ROS1: variants seen among roughly 807,000 people sequenced by gnomAD.
ROS1 encodes proto-oncogene tyrosine-protein kinase ROS.
ROS1 carries 263 observed loss-of-function variants against 273.5 expected under a neutral mutation model. The ratio of observed to expected loss-of-function variants is 0.96; its 90% confidence interval spans 0.87 to 1.06. The LOEUF (loss-of-function observed/expected upper bound fraction) is 1.06. Ranked by LOEUF, ROS1 falls within the 50% of genes least tolerant of loss-of-function variation. The probability of loss-of-function intolerance (pLI) is 0.00; values close to 1 mark genes in which losing one functional copy is unlikely to be tolerated. For synonymous variants in ROS1, 1,008 were observed against 954.1 expected (o/e 1.06, Z -1.04); for missense variants, 2,833 against 2,751.1 (o/e 1.03, Z -0.67).
intron 38 of ROS1, among the ~76,000 whole-genome samples, chr6:117,317,691 T>A (rs1237422815): frequency 1.3e-5 from 2 of 152,036 alleles, no homozygotes; most frequent in Non-Finnish European, 2.9e-5. Context: ...ACCAAGTAAG[T>A]CCCAACCTAA....
intron 5 of ROS1, among the ~76,000 whole-genome samples, chr6:117,405,667 G>GAAA (rs910722366): frequency 1.4e-5 from 2 of 146,144 alleles, no homozygotes; most frequent in Non-Finnish European, 3.0e-5. Context: ...TGATACATAT[G>GAAA]AAAAAAAAAA....
chr6:117,394,551 C>A, intron 10 of ROS1, 65 bp downstream of exon 10: 1 of 1,383,212 alleles, frequency 7.2e-7, no homozygotes, highest in East Asian at 2.5e-5. Context: ...TTCTTTTATT[C>A]TAGAAGTACT....
At chr6:117,310,010 G>A in intron 41 of ROS1, 71 bp downstream of exon 41, 1 of 1,327,658 alleles carries the variant, frequency 7.5e-7, no homozygotes, top group Non-Finnish European at 1.1e-6. Context: ...AGCAAGATTA[G>A]ATGTCCTTTT....
chr6:117,300,086 CTTTTTTTTT>C (rs10700318), intron 43 of ROS1, among the ~76,000 whole-genome samples: 5 of 31,836 alleles, frequency 1.6e-4, no homozygotes, highest in East Asian at 1.0e-3. Context: ...CCAGGACAGG[CTTTTTTTTT>C]TTTTTTTTTT....
intron 11 of ROS1, 133 bp from the exon 12 acceptor site, chr6:117,393,454 CA>C (rs943055277): frequency 1.5e-4 from 92 of 605,932 alleles, no homozygotes; most frequent in South Asian, 2.8e-4. Flanking sequence ...GACAAATGAG[CA>C]AAAAAAAGCC....
rs1385190956 is a variant in ROS1 at position 117,365,109 on chromosome 6, G to T, written c.3054C>A (p.Tyr1018Ter). The change falls in exon 21 of 44, where the codon TAC becomes TAA. Residue 1018 changes from tyrosine (Y) to a stop codon, truncating the protein, a stop_gained. Coordinates refer to ENST00000368507, the MANE Select transcript of ROS1 (RefSeq NM_001378902.1). LOFTEE classifies it high-confidence loss of function. ...GAGATGTTTTGGGGCCCTTTCCCCA[G>T]TAGGTATAAGGAGTGACAGAAAGAT... ...LFNLSVTPYT[Y>*]WGKGPKTSLS... The T allele has an allele frequency of 2.5e-6, 4 of 1,613,668 alleles. No homozygotes were observed. In the South Asian group the frequency reaches 4.4e-5, roughly 18 times the overall value.
chr6:117,417,853 A>T (rs915965401), intron 2 of ROS1, among the ~76,000 whole-genome samples: 1 of 152,206 alleles, frequency 6.6e-6, no homozygotes, highest in African/African-American at 2.4e-5. Context: ...CTTGCAGGCA[A>T]GTGAGGTGCC....
intron 8 of ROS1, 26 bp from the exon 9 acceptor site, chr6:117,396,290 CG>C: frequency 6.6e-7 from 1 of 1,512,110 alleles, no homozygotes; most frequent in South Asian, 1.1e-5. Flanking sequence ...TTTGGAGAGA[CG>C]TGTTTCACAT....
rs755309218 is a variant in ROS1 at position 117,396,240 on chromosome 6, T to C, written c.831A>G (p.Glu277=). The C allele has an allele frequency of 1.1e-4, 184 of 1,613,444 alleles. No individual in the cohort carries two copies. The highest frequency in any genetic ancestry group is 1.5e-4 in the Non-Finnish European group (182 of 1,179,596). Residue 277 remains glutamate (E), a synonymous_variant, in exon 9 of 44, where the codon GAA becomes GAG. Transcript: ENST00000368507. ...IYRFSIAAVN[E]VGEGPEAESS... ...ATTCTGCTTCTGGACCCTCACCAAC[T>C]TCATTTACTGCTGCAATAGAAAACC...
intron 21 of ROS1, 53 bp from the exon 22 acceptor site, chr6:117,362,918 T>A: frequency 7.0e-7 from 1 of 1,430,294 alleles, no homozygotes. Context: ...ATATAAAGAA[T>A]ATAAGACTTT....
chr6:117,344,922 C>G (rs1778251030), intron 27 of ROS1, among the ~76,000 whole-genome samples: 1 of 152,184 alleles, frequency 6.6e-6, no homozygotes, highest in Non-Finnish European at 1.5e-5. Flanking sequence ...CAGGCTTAAG[C>G]CTCGAAAAAT....
intron 38 of ROS1, among the ~76,000 whole-genome samples, chr6:117,317,950 C>T (rs3777963): frequency 0.011 from 1,730 of 152,240 alleles, 73 homozygotes; most frequent in Admixed American, 0.084. Flanking sequence ...ATTTGCAAAA[C>T]ATGCTCCTTA....
At chr6:117,303,248 A>G (rs75588855) in intron 42 of ROS1, among the ~76,000 whole-genome samples, 5,543 of 152,272 alleles carry the variant, frequency 0.036, 139 homozygotes, top group East Asian at 0.073. Flanking sequence ...ATTGGGAGGT[A>G]CTTAAAATAT....
chr6:117,379,856 G>A (rs1771974156), intron 17 of ROS1, among the ~76,000 whole-genome samples: 1 of 152,118 alleles, frequency 6.6e-6, no homozygotes, highest in Admixed American at 6.5e-5. Context: ...GGATGTTTAT[G>A]TATTAAAATT....
At chr6:117,326,976 G>C (rs183188500) in intron 33 of ROS1, among the ~76,000 whole-genome samples, 61 of 152,280 alleles carry the variant, frequency 4.0e-4, no homozygotes, top group Non-Finnish European at 8.4e-4. Flanking sequence ...AAACATGGAA[G>C]GAGCACAAGG....
intron 21 of ROS1, among the ~76,000 whole-genome samples, chr6:117,364,210 G>A (rs563600900): frequency 1.2e-4 from 19 of 152,316 alleles, no homozygotes; most frequent in African/African-American, 3.6e-4. Context: ...TGTGTAATTC[G>A]TAGATGGATA....
intron 7 of ROS1, among the ~76,000 whole-genome samples, chr6:117,399,882 C>G (rs557338619): frequency 6.6e-6 from 1 of 152,354 alleles, no homozygotes; most frequent in African/African-American, 2.4e-5. Flanking sequence ...TTCTCTCAAT[C>G]TATTCTATGT....
intron 1 of ROS1, among the ~76,000 whole-genome samples, chr6:117,424,233 C>A (rs1470563348): frequency 1.3e-5 from 2 of 151,926 alleles, no homozygotes; most frequent in Non-Finnish European, 2.9e-5. Flanking sequence ...CTAAAAAAAT[C>A]TCAGGGTCTA....
intron 5 of ROS1, among the ~76,000 whole-genome samples, chr6:117,405,991 A>T (rs1209639272): frequency 6.6e-6 from 1 of 152,186 alleles, no homozygotes; most frequent in Admixed American, 6.5e-5. Flanking sequence ...TGCCTAATAA[A>T]AAATAGCTAT....
Sources: gnomAD v4.1 joint callset for allele counts (sites outside exome capture counted in the v4.1 genomes callset) on GRCh38, gnomAD v4.1.1 for gene constraint, MANE v1.5 for transcripts, NCBI Gene and HGNC (gene_info 2026-07-23, HGNC 2026-07-21) for gene names.